SLC28A1: variants seen among roughly 807,000 people sequenced by gnomAD.
The protein encoded by SLC28A1 is solute carrier family 28 member 1.
SLC28A1 carries 64 observed loss-of-function variants against 74.8 expected under a neutral mutation model. The ratio of observed to expected loss-of-function variants is 0.86; its 90% CI spans 0.70 to 1.05. The LOEUF is 1.05. Among genes scored for constraint, SLC28A1 ranks in the 50% least tolerant of loss-of-function variants. The pLI is 0.00. For missense variants in SLC28A1, 828 were observed against 822.8 expected (o/e 1.01, Z -0.08); for synonymous variants, 359 against 335.0 (o/e 1.07, Z -0.78).
At chr15:84,900,777 T>C (rs1490306991) in intron 6 of SLC28A1, among the ~76,000 whole-genome samples, 1 of 151,586 alleles carries the variant, frequency 6.6e-6, no homozygotes, top group Non-Finnish European at 1.5e-5. Context: ...TATATGTCAC[T>C]GCACTCCAGC....
At chr15:84,911,575 C>T (rs1831259958) in intron 9 of SLC28A1, among the ~76,000 whole-genome samples, 1 of 151,536 alleles carries the variant, frequency 6.6e-6, no homozygotes, top group Non-Finnish European at 1.5e-5. Flanking sequence ...AAAATGTATC[C>T]ATTAGGCTGG....
At chr15:84,955,531 A>G in the SLC28A1 span, among the ~76,000 whole-genome samples, 1 of 152,148 alleles carries the variant, frequency 6.6e-6, no homozygotes, top group Non-Finnish European at 1.5e-5. Context: ...GGGTGGATGC[A>G]TTGGTGGCTG....
Position 84,918,591 on chromosome 15 carries a change from G to T in SLC28A1, c.863G>T (p.Trp288Leu), listed in dbSNP as rs750034958. 6 of 1,613,116 alleles carry T rather than the reference G, an allele frequency of 3.7e-6. No homozygotes were observed. The highest frequency in any genetic ancestry group is 5.1e-6 in the Non-Finnish European group (6 of 1,179,184). The change falls in exon 10 of 19, where the codon TGG becomes TTG. Residue 288 changes from tryptophan (W) to leucine (L), a missense_variant. Trp to Leu is a moderately conservative substitution (Grantham distance 61, BLOSUM62 -2). This residue lies in a region of SLC28A1 where 767 missense variants were observed against 753.5 expected (regional missense o/e 1.02). Transcript: ENST00000394573. Reference protein sequence around the residue: ...SVLYHVGLMQWVILKIAWLMQ... With the variant: ...SVLYHVGLMQLVILKIAWLMQ... The stretch of plus-strand genomic sequence containing the variant: ...CTCTACCACGTGGGCCTCATGCAGT[G>T]GGTGATCCTGAAGGTAAGTTCCCAG...
chr15:84,913,356 G>A (rs947506702), intron 9 of SLC28A1, among the ~76,000 whole-genome samples: 1 of 148,460 alleles, frequency 6.7e-6, no homozygotes, highest in Non-Finnish European at 1.5e-5. Context: ...CCCTGGCTCA[G>A]CTTCCTCCAG....
At chr15:84,971,539 A>G in the SLC28A1 span, among the ~76,000 whole-genome samples, 5 of 152,070 alleles carry the variant, frequency 3.3e-5, no homozygotes, top group Non-Finnish European at 4.4e-5. Flanking sequence ...CCCTTCCACC[A>G]TGAGAGGAAG....
At chr15:84,946,112 A>ATATATATATT (rs57190791), downstream of SLC28A1, among the ~76,000 whole-genome samples, 6 of 13,478 alleles carry the variant, frequency 4.5e-4, 1 homozygote, top group Admixed American at 4.1e-3. Context: ...ATATATATAT[A>ATATATATATT]TTTTTTTTTT....
At chr15:84,887,019 G>A (rs1405723683) in intron 2 of SLC28A1, among the ~76,000 whole-genome samples, 1 of 152,198 alleles carries the variant, frequency 6.6e-6, no homozygotes, top group Non-Finnish European at 1.5e-5. Context: ...ATTTACAGAT[G>A]AGCTTAAGCC....
intron 10 of SLC28A1, among the ~76,000 whole-genome samples, chr15:84,920,463 AAAGGGGAAGGGG>A (rs58546184): frequency 7.1e-6 from 1 of 141,522 alleles, no homozygotes; most frequent in African/African-American, 2.6e-5. Context: ...AAAGGAAAGG[AAAGGGGAAGGGG>A]AAGGGGAAGG....
At chr15:84,932,555 G>C (rs902480196) in intron 12 of SLC28A1, among the ~76,000 whole-genome samples, 1 of 152,216 alleles carries the variant, frequency 6.6e-6, no homozygotes, top group Non-Finnish European at 1.5e-5. Context: ...GCTTGCAGTG[G>C]TGAGTTCCCC....
downstream of SLC28A1, among the ~76,000 whole-genome samples, chr15:84,946,105 TATATA>T (rs2079211223): frequency 2.6e-4 from 10 of 37,796 alleles, no homozygotes; most frequent in African/African-American, 7.6e-4. Context: ...TATATATATA[TATATA>T]TATTTTTTTT....
chr15:84,921,446 G>A (rs1016777796), intron 11 of SLC28A1, among the ~76,000 whole-genome samples: 1 of 152,024 alleles, frequency 6.6e-6, no homozygotes, highest in East Asian at 1.9e-4. Flanking sequence ...CTTCTTTCTG[G>A]TCAGAGTTTT....
the SLC28A1 span, among the ~76,000 whole-genome samples, chr15:84,959,082 A>G: frequency 1.9e-4 from 24 of 129,360 alleles, no homozygotes; most frequent in Non-Finnish European, 3.7e-4. Context: ...CCTGGGTGAC[A>G]GAGTGAGGCT....
chr15:84,920,848 C>A lies in SLC28A1; in HGVS notation c.877-141C>A, dbSNP rs375517735. On this transcript the variant is annotated intron_variant, in intron 10 of 18. Transcript: ENST00000394573. ...GGTGTGGAAGAAGAAGATGAATGGA[C>A]CTTTTGGGAAAATGTAGATGAAGGG... 5.7e-5 allele frequency: 42 copies of A among 734,578 alleles called. No individual in the cohort carries two copies. The East Asian group carries it at 7.9e-4, about 14-fold the overall frequency. The allele number at this position is 734,578 out of a possible 1,614,324, so 45.5% of individuals were successfully genotyped here. A position where few individuals can be genotyped will look rare whatever the true frequency, so the allele number is the denominator to read the frequency against.
chr15:84,903,982 G>A (rs1044208975), intron 6 of SLC28A1, 115 bp from the exon 7 acceptor site: 2 of 1,398,156 alleles, frequency 1.4e-6, no homozygotes, highest in Non-Finnish European at 2.0e-6. Context: ...CTGCTGTGCT[G>A]TTTCTCCTCC....
chr15:84,889,722 TTCCTTCCTTCCTTC>T (rs2141638367), intron 4 of SLC28A1, among the ~76,000 whole-genome samples: 1 of 56,962 alleles, frequency 1.8e-5, no homozygotes, highest in East Asian at 6.6e-4. Context: ...CCTTCCTTCC[TTCCTTCCTTCCTTC>T]CTTCCTTCCT....
chr15:84,942,808 C>T (rs1255778674), intron 15 of SLC28A1, among the ~76,000 whole-genome samples: 1 of 152,166 alleles, frequency 6.6e-6, no homozygotes, highest in Non-Finnish European at 1.5e-5. Context: ...CAAATGGCCC[C>T]AGGACAGAGC....
chr15:84,898,773 C>T (rs543221269), intron 6 of SLC28A1, among the ~76,000 whole-genome samples: 128 of 152,210 alleles, frequency 8.4e-4, no homozygotes, highest in African/African-American at 3.0e-3. Context: ...GAGTTTAGCC[C>T]TACGGTCTCC....
intron 5 of SLC28A1, among the ~76,000 whole-genome samples, chr15:84,891,171 G>T (rs1257220907): frequency 6.6e-6 from 1 of 152,152 alleles, no homozygotes; most frequent in Non-Finnish European, 1.5e-5. Flanking sequence ...TCACACGGTG[G>T]GACCCTGGAA....
intron 4 of SLC28A1, among the ~76,000 whole-genome samples, chr15:84,889,693 TTTCC>T (rs1965082792): frequency 1.1e-4 from 3 of 26,274 alleles, no homozygotes; most frequent in Admixed American, 8.0e-4. Flanking sequence ...TCCTTCCTTC[TTTCC>T]TTCCTTCCTT....
Sources: allele counts gnomAD v4.1 joint callset (sites outside exome capture counted in the v4.1 genomes callset), GRCh38; gene constraint gnomAD v4.1.1; regional missense constraint gnomAD v4.1.1; transcripts MANE v1.5; gene names NCBI Gene and HGNC (gene_info 2026-07-23, HGNC 2026-07-21).